Variants in PTPRE observed in about 807,000 individuals in gnomAD.
PTPRE encodes receptor-type tyrosine-protein phosphatase epsilon.
In PTPRE, 51 loss-of-function variants were observed where a neutral mutation model predicts 102.0. The ratio of observed to expected loss-of-function variants is 0.50; its 90% confidence interval spans 0.40 to 0.63. The LOEUF is 0.63. Among genes scored for constraint, PTPRE ranks in the 30% least tolerant of loss-of-function variants. The pLI is 0.00. For missense variants in PTPRE, 752 were observed against 915.1 expected, an observed-to-expected ratio of 0.82 and a Z score of 2.30; for synonymous variants, 345 against 348.2, an observed-to-expected ratio of 0.99 and a Z score of 0.10.
intron 2 of PTPRE, chr10:127,999,990 C>T (rs927509283): frequency 5.1e-6 from 5 of 982,724 alleles, no homozygotes; most frequent in African/African-American, 3.5e-5. Context: ...ACAGCGCAGA[C>T]GCGGAAAGGG....
intron 1 of PTPRE, among the ~76,000 whole-genome samples, chr10:127,938,744 A>G (rs1019050721): frequency 1.1e-4 from 16 of 152,156 alleles, no homozygotes; most frequent in African/African-American, 3.4e-4. Flanking sequence ...ATTAGTATCA[A>G]TGCTATTGTA....
chr10:127,962,918 G>A (rs1326792850), intron 1 of PTPRE, among the ~76,000 whole-genome samples: 3 of 152,218 alleles, frequency 2.0e-5, no homozygotes, highest in African/African-American at 4.8e-5. Context: ...CCAGGGGCTG[G>A]GAGAGAGGAG....
intron 2 of PTPRE, among the ~76,000 whole-genome samples, chr10:127,996,544 C>G (rs1250823068): frequency 6.6e-6 from 1 of 152,200 alleles, no homozygotes; most frequent in Admixed American, 6.5e-5. Flanking sequence ...TGCAGCTTCC[C>G]CAGTTTTTAT....
chr10:127,989,381 T>C (rs910817847), intron 2 of PTPRE, among the ~76,000 whole-genome samples: 1 of 152,218 alleles, frequency 6.6e-6, no homozygotes, highest in Non-Finnish European at 1.5e-5. Flanking sequence ...ATAAGACACA[T>C]ACATATGGAG....
At chr10:127,915,961 G>T (rs891262249) in intron 1 of PTPRE, among the ~76,000 whole-genome samples, 1 of 150,750 alleles carries the variant, frequency 6.6e-6, no homozygotes, top group Non-Finnish European at 1.5e-5. Context: ...GCATCCGTAC[G>T]TACAAGCACT....
chr10:128,070,274 G>T lies in PTPRE; in HGVS notation c.1144-27G>T. Reference sequence around the variant, plus strand: ...CCAAGACTGCAGGGCAGAGTTGAGGGTGTGGGCACCCCTGGCCTCTCTGCA... The same window carrying T: ...CCAAGACTGCAGGGCAGAGTTGAGGTTGTGGGCACCCCTGGCCTCTCTGCA... On this transcript the variant is annotated intron_variant, in intron 13 of 20. Transcript: ENST00000254667. This position sits in a 1 kb window ranked among gnomAD's most constrained non-coding sequence, Gnocchi z 4.8. The T allele has an allele frequency of 6.3e-7, 1 of 1,583,084 alleles. No individual in the cohort carries two copies.
intron 1 of PTPRE, among the ~76,000 whole-genome samples, chr10:127,917,154 A>G (rs1846266639): frequency 6.6e-6 from 1 of 151,706 alleles, no homozygotes; most frequent in African/African-American, 2.4e-5. Flanking sequence ...GTTTTCGGCC[A>G]GGGTGACTGG....
At chr10:127,954,595 C>G (rs995799195) in intron 1 of PTPRE, among the ~76,000 whole-genome samples, 14 of 152,160 alleles carry the variant, frequency 9.2e-5, no homozygotes, top group African/African-American at 3.1e-4. Context: ...TGTTCTTCAT[C>G]ACCTTGAAGC....
intron 1 of PTPRE, among the ~76,000 whole-genome samples, chr10:127,960,761 C>T (rs145366139): frequency 3.2e-4 from 49 of 152,280 alleles, no homozygotes; most frequent in South Asian, 6.2e-4. Context: ...CGGTGGCTCA[C>T]GCCTGTAATC....
At chr10:128,052,278 C>T (rs61248198) in intron 6 of PTPRE, among the ~76,000 whole-genome samples, 1 of 152,070 alleles carries the variant, frequency 6.6e-6, no homozygotes, top group Non-Finnish European at 1.5e-5. Flanking sequence ...GAAAGGGAGA[C>T]ACCAGAGTCT....
chr10:128,051,531 C>T (rs1848568572), intron 6 of PTPRE, among the ~76,000 whole-genome samples: 1 of 152,254 alleles, frequency 6.6e-6, no homozygotes. Context: ...TGTCACCACA[C>T]AGCTACTCAT....
rs552730789 is a variant in PTPRE, at chr10:128,060,003, C to CCA, written c.512-926_512-925dup. ...CACATAACGCACACACATACACACT[C>CCA]CACACACACACCACACACTCCACAC... is the stretch of plus-strand genomic sequence containing the variant. On this transcript the variant is annotated intron_variant, in intron 7 of 20. Transcript: ENST00000254667. Among the ~76,000 whole-genome samples, 4 of 149,556 alleles carry CCA rather than the reference C, an allele frequency of 2.7e-5. No individual in the cohort carries two copies. In the East Asian group the frequency reaches 5.9e-4, roughly 22 times the overall value.
chr10:127,967,762 A>G (rs997661054), intron 1 of PTPRE, among the ~76,000 whole-genome samples: 4 of 152,176 alleles, frequency 2.6e-5, no homozygotes, highest in Non-Finnish European at 5.9e-5. Context: ...TGACAGGCCC[A>G]TTCCCCCAGC....
intron 1 of PTPRE, among the ~76,000 whole-genome samples, chr10:127,949,954 A>T (rs566069691): frequency 1.1e-4 from 17 of 152,048 alleles, no homozygotes; most frequent in Admixed American, 6.5e-4. Flanking sequence ...GCCTGAGGGG[A>T]TTAACTCTGA....
In PTPRE at chr10:128,070,218, G is replaced by T. The variant is rs934611073; in HGVS notation, c.1144-83G>T. The T allele has an allele frequency of 2.7e-6, 4 of 1,463,678 alleles. No individual in the cohort carries two copies. Among genetic ancestry groups the T allele is most frequent in the South Asian group, 2.7e-5 (2 of 73,144 alleles). 90.7% of individuals were successfully genotyped at this position (1,463,678 alleles called of 1,614,324 possible). On this transcript the variant is annotated intron_variant, in intron 13 of 20. Coordinates refer to ENST00000254667, the MANE Select transcript of PTPRE (RefSeq NM_006504.6). The surrounding 1 kb of genome is among the most constrained non-coding windows in gnomAD (Gnocchi z 4.8). ...GCAAAAAGAGAAAAAGAAGAAAGCC[G>T]CCCTCTTTGGTCTGCCAAGCTCCAC...
intron 1 of PTPRE, among the ~76,000 whole-genome samples, chr10:127,975,020 C>T (rs1215443407): frequency 2.6e-5 from 4 of 152,220 alleles, no homozygotes; most frequent in African/African-American, 4.8e-5. Flanking sequence ...CAGCTAGGCA[C>T]CAGGAGGGAT....
In PTPRE at chr10:128,077,694, C is replaced by T. The variant is rs765859416; in HGVS notation, c.1803C>T (p.Pro601=). The T allele has an allele frequency of 4.2e-5, 68 of 1,613,802 alleles. No individual in the cohort carries two copies. Among genetic ancestry groups the T allele is most frequent in the South Asian group, 3.2e-4 (29 of 91,090 alleles). ...ACGGCTGGCCTGAGATCGGGATTCC[C>T]GCCGAGGGCAAAGGCATGATTGACC... is the stretch of plus-strand genomic sequence containing the variant. The part of the protein sequence containing the change: ...HFHGWPEIGI[P]AEGKGMIDLI... The change falls in exon 19 of 21, where the codon CCC becomes CCT. Residue 601 remains proline (P), a synonymous_variant. Coordinates refer to ENST00000254667, the MANE Select transcript of PTPRE (RefSeq NM_006504.6).
intron 12 of PTPRE, 138 bp from the exon 13 acceptor site, chr10:128,069,554 A>T: frequency 1.7e-6 from 2 of 1,177,184 alleles, no homozygotes; most frequent in Non-Finnish European, 2.4e-6. Context: ...TGGTGGCTGC[A>T]CTGTAGCTTT....
chr10:128,004,154 C>G (rs759525909), intron 2 of PTPRE, among the ~76,000 whole-genome samples: 6 of 151,088 alleles, frequency 4.0e-5, no homozygotes, highest in Admixed American at 6.6e-5. Context: ...GTGTTAATAA[C>G]GATGATACTA....
Sources: allele counts gnomAD v4.1 joint callset (sites outside exome capture counted in the v4.1 genomes callset), GRCh38; gene constraint gnomAD v4.1.1; non-coding constraint Gnocchi (gnomAD v3.1); transcripts MANE v1.5; gene names NCBI Gene and HGNC (gene_info 2026-07-23, HGNC 2026-07-21).